ASXL3: variants seen among roughly 807,000 people sequenced by gnomAD.
ASXL3 encodes ASXL transcriptional regulator 3.
ASXL3 carries 34 observed loss-of-function variants against 170.6 expected under a neutral mutation model. That is an observed-to-expected ratio of 0.20 (90% CI 0.15 to 0.27). The LOEUF is 0.27. Among genes scored for constraint, ASXL3 ranks in the 10% least tolerant of loss-of-function variants. The pLI, the probability that ASXL3 is intolerant of heterozygous loss-of-function variation, is 1.00. For missense variants in ASXL3, 2,592 were observed against 2,695.3 expected (o/e 0.96, Z 0.85); for synonymous variants, 1,002 against 989.1 (o/e 1.01, Z -0.24).
At position 33,739,697 on chromosome 18, in the gene ASXL3, G is replaced by A; in HGVS notation, c.2293G>A (p.Ala765Thr). Residue 765 changes from alanine (A) to threonine (T), a missense_variant, in exon 11 of 12, where the codon GCA (alanine) becomes ACA (threonine). Around this residue, in one of 4 missense-constraint regions of ASXL3, gnomAD observed 2,246 missense variants for 2,219.6 expected, o/e 1.01. Coordinates refer to ENST00000269197, the MANE Select transcript of ASXL3 (RefSeq NM_030632.3). ...ISNSSINERM[A>T]HQQRKSPSVS... ...CAACTCTTCCATAAATGAGAGAATGGCACATCAGCAAAGAAAGTCACCTTC... is the reference window on the plus strand; with the variant it reads ...CAACTCTTCCATAAATGAGAGAATGACACATCAGCAAAGAAAGTCACCTTC... 6.2e-7 allele frequency: 1 copy of A among 1,613,790 alleles called. No individual in the cohort carries two copies. The highest frequency in any genetic ancestry group is 8.5e-7 in the Non-Finnish European group (1 of 1,179,860).
chr18:33,629,471 C>T (rs960703431), intron 2 of ASXL3, among the ~76,000 whole-genome samples: 7 of 152,052 alleles, frequency 4.6e-5, no homozygotes, highest in Admixed American at 1.3e-4. Context: ...CCTTTTGTTA[C>T]GTAAACCTAG....
In ASXL3 at chr18:33,743,969, T is replaced by C. The variant is rs375694471; in HGVS notation, c.4121T>C (p.Ile1374Thr). ...GINNRFPSEK[I>T]AIPGSEEQAT... Reference sequence around the variant, plus strand: ...AACAACAGATTTCCTTCTGAGAAGATAGCCATACCTGGGAGTGAAGAACAG... The same window carrying C: ...AACAACAGATTTCCTTCTGAGAAGACAGCCATACCTGGGAGTGAAGAACAG... Residue 1374 changes from isoleucine to threonine, a missense_variant, in exon 12 of 12, where the codon ATA (isoleucine) becomes ACA (threonine). By Grantham distance (89) the Ile-to-Thr change is moderately conservative. Coordinates refer to ENST00000269197, the MANE Select transcript of ASXL3 (RefSeq NM_030632.3). 6.2e-6 allele frequency: 10 copies of C among 1,613,922 alleles called. No individual in the cohort carries two copies. Among genetic ancestry groups the C allele is most frequent in the Non-Finnish European group, 7.6e-6 (9 of 1,179,906 alleles).
rs1393798560 is a variant in ASXL3, at chr18:33,578,294, G to A, written c.-338G>A. The stretch of plus-strand genomic sequence containing the variant: ...CCGCAGCGGCCGCGGCGGTGGCGCA[G>A]CGCGAGCCCCGCACGAGCGAGCCCG... On this transcript the variant is annotated 5_prime_UTR_variant, in exon 1 of 12. Coordinates refer to ENST00000269197, the MANE Select transcript of ASXL3 (RefSeq NM_030632.3). 1 of 147,370 alleles carries A rather than the reference G, an allele frequency of 6.8e-6. No homozygotes were observed. Among genetic ancestry groups the A allele is most frequent in the Non-Finnish European group, 1.5e-5 (1 of 66,266 alleles). The allele number at this position is 147,370 out of a possible 1,614,324, so 9.1% of individuals were successfully genotyped here. A position where few individuals can be genotyped will look rare whatever the true frequency, so the allele number is the denominator to read the frequency against.
intron 8 of ASXL3, among the ~76,000 whole-genome samples, chr18:33,698,604 T>G (rs984993767): frequency 6.6e-5 from 10 of 152,096 alleles, no homozygotes; most frequent in African/African-American, 2.4e-4. Context: ...TAGAATAGAT[T>G]TAGAAGAGGG....
At position 33,689,044 on chromosome 18, in the gene ASXL3, A is replaced by G. The variant is rs191031765; in HGVS notation, c.879+5476A>G. Among the ~76,000 whole-genome samples, 17 of 151,708 alleles carry G rather than the reference A, an allele frequency of 1.1e-4. No individual in the cohort carries two copies. The East Asian group carries it at 3.3e-3, about 30-fold the overall frequency. The stretch of plus-strand genomic sequence containing the variant: ...AGTCTTACCCTTTCACCCAGGCTGG[A>G]GTGCAGTGGCGTGATCTCCGCTCAC... On this transcript the variant is annotated intron_variant, in intron 8 of 11. Coordinates refer to ENST00000269197, the MANE Select transcript of ASXL3 (RefSeq NM_030632.3).
Position 33,711,765 on chromosome 18 carries a change from G to T in ASXL3, c.880-20203G>T, listed in dbSNP as rs117091058. On this transcript the variant is annotated intron_variant, in intron 8 of 11. Coordinates refer to ENST00000269197, the MANE Select transcript of ASXL3 (RefSeq NM_030632.3). ...TATGGGGATCCCTTGCAGAGCCAGG[G>T]CTGTATTGTCATAGCAGTTGCCTCC... 5.8e-3 allele frequency among the ~76,000 whole-genome samples: 880 copies of T among 152,190 alleles called. 8 individuals carry two copies. Among genetic ancestry groups the T allele is most frequent in the South Asian group, 0.031 (151 of 4,814 alleles).
intron 7 of ASXL3, 44 bp from the exon 8 acceptor site, chr18:33,683,361 C>T (rs1395238784): frequency 1.9e-6 from 3 of 1,555,694 alleles, no homozygotes; most frequent in Non-Finnish European, 2.6e-6. Flanking sequence ...TACACGTTTC[C>T]CTCTACCTGT....
chr18:33,636,108 C>A (rs138384818), intron 2 of ASXL3, among the ~76,000 whole-genome samples: 15 of 152,204 alleles, frequency 9.9e-5, no homozygotes, highest in African/African-American at 3.6e-4. Flanking sequence ...AAAAGGCTTC[C>A]CCATACGGAT....
intron 2 of ASXL3, among the ~76,000 whole-genome samples, chr18:33,643,196 G>A (rs1891300578): frequency 6.6e-6 from 1 of 151,736 alleles, no homozygotes; most frequent in Non-Finnish European, 1.5e-5. Context: ...TTTGTCTGAA[G>A]AATATAATGT....
intron 1 of ASXL3, among the ~76,000 whole-genome samples, chr18:33,606,676 A>G (rs927211391): frequency 5.3e-5 from 8 of 151,954 alleles, no homozygotes; most frequent in African/African-American, 1.9e-4. Context: ...TTGAGCATGA[A>G]GCTCTTGCAT....
intron 8 of ASXL3, among the ~76,000 whole-genome samples, chr18:33,707,089 C>A (rs901038873): frequency 6.6e-6 from 1 of 151,584 alleles, no homozygotes; most frequent in African/African-American, 2.4e-5. Context: ...GACACTGTTC[C>A]TTTGCATTGG....
chr18:33,721,655 A>G (rs934666415), intron 8 of ASXL3, among the ~76,000 whole-genome samples: 1 of 152,102 alleles, frequency 6.6e-6, no homozygotes, highest in African/African-American at 2.4e-5. Flanking sequence ...TTGTTCGGTA[A>G]TATTTCTCTC....
At chr18:33,652,058 A>G (rs2066007038) in intron 4 of ASXL3, among the ~76,000 whole-genome samples, 1 of 152,078 alleles carries the variant, frequency 6.6e-6, no homozygotes, top group Non-Finnish European at 1.5e-5. Context: ...AGCTTTAGAG[A>G]TCAAAGAATG....
Position 33,738,525 on chromosome 18 carries a change from C to T in ASXL3, c.1121C>T (p.Thr374Ile). 1.9e-6 allele frequency: 3 copies of T among 1,613,610 alleles called. No individual in the cohort carries two copies. Among genetic ancestry groups the T allele is most frequent in the Non-Finnish European group, 2.5e-6 (3 of 1,179,746 alleles). Residue 374 changes from threonine (T) to isoleucine (I), a missense_variant, in exon 11 of 12, where the codon ACT (threonine) becomes ATT (isoleucine). Physicochemically the swap from Thr to Ile is moderately conservative, Grantham distance 89. Coordinates refer to ENST00000269197, the MANE Select transcript of ASXL3 (RefSeq NM_030632.3). ...AGAGAGGAATCTGTGAAGCTCACTA[C>T]TGGACCAAACAACGCTGGAGCTCAA... ...MSREESVKLT[T>I]GPNNAGAQSS...
At chr18:33,645,397 G>C (rs1221465098) in intron 3 of ASXL3, among the ~76,000 whole-genome samples, 1 of 151,654 alleles carries the variant, frequency 6.6e-6, no homozygotes, top group Non-Finnish European at 1.5e-5. Flanking sequence ...ATAAAAATAA[G>C]ACATTTATTC....
In ASXL3 at chr18:33,653,368, A is replaced by G. The variant is rs183942951; in HGVS notation, c.355+7015A>G. On this transcript the variant is annotated intron_variant, in intron 4 of 11. Coordinates refer to ENST00000269197, the MANE Select transcript of ASXL3 (RefSeq NM_030632.3). ...CCAGGTCCCCTAATTTTGGGAGACT[A>G]AGCTAATTTGTCTTTCATCCAACAG... Among the ~76,000 whole-genome samples the G allele has an allele frequency of 5.3e-4, 80 of 152,206 alleles. No homozygotes were observed. The East Asian group carries it at 8.9e-3, about 17-fold the overall frequency.
At chr18:33,591,942 T>G (rs368156743) in intron 1 of ASXL3, among the ~76,000 whole-genome samples, 310 of 152,220 alleles carry the variant, frequency 2.0e-3, no homozygotes, top group African/African-American at 7.2e-3. Flanking sequence ...TTTTTTTTTT[T>G]GGAATTCACT....
At chr18:33,736,345 C>CT (rs542733136) in intron 10 of ASXL3, among the ~76,000 whole-genome samples, 2,652 of 151,884 alleles carry the variant, frequency 0.017, 86 homozygotes, top group African/African-American at 0.061. Context: ...CTACTTAGCC[C>CT]TTTTTTTTGC....
rs113966841 is a variant in ASXL3, at chr18:33,588,636, G to T, written c.54+9951G>T. ...TGCTGTCTTTGCACCCCATGTTGAA[G>T]ATTAAAATACACATTCAGGAGAATC... is the stretch of plus-strand genomic sequence containing the variant. On this transcript the variant is annotated intron_variant, in intron 1 of 11. Transcript: ENST00000269197. Among the ~76,000 whole-genome samples, 16 of 152,182 alleles carry T rather than the reference G, an allele frequency of 1.1e-4. No homozygotes were observed. The East Asian group carries it at 2.7e-3, about 26-fold the overall frequency.
Sources: allele counts gnomAD v4.1 joint callset (sites outside exome capture counted in the v4.1 genomes callset), GRCh38; gene constraint gnomAD v4.1.1; regional missense constraint gnomAD v4.1.1; transcripts MANE v1.5; gene names NCBI Gene and HGNC (gene_info 2026-07-23, HGNC 2026-07-21).